The following C3 variants were observed in gnomAD, a reference collection of about 807,000 sequenced individuals.
C3 encodes the protein complement C3, also known as C3 and PZP-like alpha-2-macroglobulin domain-containing protein 1.
Under a neutral mutation model 207.9 loss-of-function variants are expected in C3, and 97 were observed. The ratio of observed to expected loss-of-function variants is 0.47; its 90% CI spans 0.40 to 0.55. The LOEUF (loss-of-function observed/expected upper bound fraction) is 0.55, where lower values mean the gene tolerates loss of function less well. Ranked by LOEUF, C3 falls within the 20% of genes least tolerant of loss-of-function variation. The pLI, the probability that C3 is intolerant of heterozygous loss-of-function variation, is 0.00. For missense variants in C3, 1,684 were observed against 2,171.7 expected, an observed-to-expected ratio of 0.78 and a Z score of 4.46; for synonymous variants, 848 against 857.6, an observed-to-expected ratio of 0.99 and a Z score of 0.20.
chr19:6,707,254 C>T lies in C3; in HGVS notation c.2067G>A (p.Glu689=), dbSNP rs147477257. The T allele has an allele frequency of 1.4e-3, 2,309 of 1,611,634 alleles. 4 individuals carry two copies. Among genetic ancestry groups the T allele is most frequent in the Non-Finnish European group, 1.9e-3 (2,202 of 1,179,052 alleles). Residue 689 remains glutamate, a synonymous_variant, in exon 17 of 41, where the codon GAG becomes GAA. Transcript: ENST00000245907. ...TGCCGTCCTCGCAGCACTTGCGCAGCTCCTTGGGGTACTTGCCGACTGCGG... is the reference window on the plus strand; with the variant it reads ...TGCCGTCCTCGCAGCACTTGCGCAGTTCCTTGGGGTACTTGCCGACTGCGG... ...RMDKVGKYPK[E]LRKCCEDGMR...
chr19:6,696,508 C>T (rs777744748), intron 22 of C3, 43 bp from the exon 23 acceptor site: 48 of 1,593,544 alleles, frequency 3.0e-5, no homozygotes, highest in Middle Eastern at 3.3e-4. Flanking sequence ...AGCTCCCTCC[C>T]GCCCTATCCT....
chr19:6,686,579 T>C, intron 28 of C3, 167 bp downstream of exon 28: 1 of 830,186 alleles, frequency 1.2e-6, no homozygotes. Flanking sequence ...GCATCCCAGC[T>C]CAGCTCAGGG....
In C3 at chr19:6,704,524, G is replaced by A. The variant is rs190634047; in HGVS notation, c.2246-1945C>T. Among the ~76,000 whole-genome samples the A allele has an allele frequency of 1.4e-3, 218 of 152,154 alleles. 1 individual carries two copies. The highest frequency in any genetic ancestry group is 4.7e-3 in the African/African-American group (196 of 41,522). On this transcript the variant is annotated intron_variant, in intron 17 of 40. Coordinates refer to ENST00000245907, the MANE Select transcript of C3 (RefSeq NM_000064.4). Reference sequence around the variant, plus strand: ...CTGTAATCCCAATACTTTGGGAGGCGGAGGCGGGCAGATCCCCGAAGGTTG... The same window carrying A: ...CTGTAATCCCAATACTTTGGGAGGCAGAGGCGGGCAGATCCCCGAAGGTTG...
rs2145396648 is a variant in C3, at chr19:6,685,100, G to A, written c.3857C>T (p.Ala1286Val). Residue 1286 changes from alanine (A) to valine (V), a missense_variant, in exon 30 of 41, where the codon GCC (alanine) becomes GTC (valine). Transcript: ENST00000245907. ...AAGGTTCAGTTCCTGGTGGTCAGGG[G>A]CGTCCTTTTGGTATTGAGCCAAGGC... ...FQALAQYQKD[A>V]PDHQELNLDV... The A allele has an allele frequency of 1.2e-6, 2 of 1,614,036 alleles. No individual in the cohort carries two copies. Among genetic ancestry groups the A allele is most frequent in the Non-Finnish European group, 1.7e-6 (2 of 1,179,962 alleles).
chr19:6,718,406 C>T lies in C3; in HGVS notation c.274G>A (p.Ala92Thr). The T allele has an allele frequency of 6.2e-7, 1 of 1,614,222 alleles. No individual in the cohort carries two copies. The highest frequency in any genetic ancestry group is 8.5e-7 in the Non-Finnish European group (1 of 1,180,044). Residue 92 changes from alanine to threonine, a missense_variant, in exon 3 of 41, where the codon GCC becomes ACC. Around this residue, in one of 3 missense-constraint regions of C3, gnomAD observed 1,280 missense variants for 1,739.1 expected, o/e 0.74. Coordinates refer to ENST00000245907, the MANE Select transcript of C3 (RefSeq NM_000064.4). ...HMGNVTFTIP[A>T]NREFKSEKGR... ...TTTTCTGACTTGAACTCCCTGTTGGCTGGGATCTAGGCGTGGGCAGGGCAT... is the reference window on the plus strand; with the variant it reads ...TTTTCTGACTTGAACTCCCTGTTGGTTGGGATCTAGGCGTGGGCAGGGCAT...
chr19:6,687,943 G>A (rs1374634498), intron 27 of C3, among the ~76,000 whole-genome samples: 2 of 148,492 alleles, frequency 1.3e-5, no homozygotes, highest in Non-Finnish European at 3.0e-5. Context: ...TGCAAGCTCC[G>A]CCTCTCGGGT....
intron 9 of C3, 119 bp downstream of exon 9, chr19:6,713,070 G>T: frequency 7.9e-7 from 1 of 1,261,974 alleles, no homozygotes; most frequent in Non-Finnish European, 1.2e-6. Context: ...CCATCAGACT[G>T]AACCCCACTT....
At chr19:6,688,836 G>A (rs1333059307) in intron 27 of C3, among the ~76,000 whole-genome samples, 1 of 151,878 alleles carries the variant, frequency 6.6e-6, no homozygotes, top group Non-Finnish European at 1.5e-5. Context: ...AGTGGAAACA[G>A]CCATGTCTGC....
rs779325487 is a variant in C3, at chr19:6,711,211, AG to A, written c.1270-16del. The A allele has an allele frequency of 1.6e-5, 25 of 1,608,332 alleles. No homozygotes were observed. Among genetic ancestry groups the A allele is most frequent in the Non-Finnish European group, 1.8e-5 (21 of 1,178,556 alleles). On this transcript the variant is annotated splice_polypyrimidine_tract_variant and intron_variant, in intron 11 of 40. Coordinates refer to ENST00000245907, the MANE Select transcript of C3 (RefSeq NM_000064.4). The stretch of plus-strand genomic sequence containing the variant: ...TTCGTGCGCACCTGGGTGGGGAAAG[AG>A]GGATGCCTGCTGGTCGCCGCCCGAG...
At chr19:6,687,829 T>TTTGG (rs147486901) in intron 27 of C3, among the ~76,000 whole-genome samples, 1 of 151,040 alleles carries the variant, frequency 6.6e-6, no homozygotes. Context: ...ACTTTGTTTG[T>TTTGG]TTGGTTGGTT....
chr19:6,693,593 G>A, intron 24 of C3, 106 bp from the exon 25 acceptor site: 1 of 970,640 alleles, frequency 1.0e-6, no homozygotes, highest in Non-Finnish European at 1.6e-6. Flanking sequence ...GCTCAGGGTG[G>A]CGGAGGGGTT....
At chr19:6,687,720 A>G (rs1017641696) in intron 27 of C3, among the ~76,000 whole-genome samples, 1 of 152,202 alleles carries the variant, frequency 6.6e-6, no homozygotes, top group African/African-American at 2.4e-5. Context: ...AAGTAACCCC[A>G]AGAGTATAGA....
chr19:6,710,806 C>T lies in C3; in HGVS notation c.1519G>A (p.Val507Met). Residue 507 changes from valine (V) to methionine (M), a missense_variant, in exon 13 of 41, where the codon GTG becomes ATG. Val to Met is a conservative substitution (Grantham distance 21). Transcript: ENST00000245907. ...ACCAGGTCCTGGCCGGGCTCTCGCACCTGGCGTCCCGCCTTCAACAGCCTG... is the reference window on the plus strand; with the variant it reads ...ACCAGGTCCTGGCCGGGCTCTCGCATCTGGCGTCCCGCCTTCAACAGCCTG... ...KGRLLKAGRQ[V>M]REPGQDLVVL... is the part of the protein sequence containing the mutation. 6.2e-7 allele frequency: 1 copy of T among 1,613,980 alleles called. No homozygotes were observed. The highest frequency in any genetic ancestry group is 8.5e-7 in the Non-Finnish European group (1 of 1,180,026).
At chr19:6,694,809 G>T (rs1001729680) in intron 23 of C3, among the ~76,000 whole-genome samples, 175 bp from the exon 24 acceptor site, 11 of 152,150 alleles carry the variant, frequency 7.2e-5, no homozygotes, top group Non-Finnish European at 1.5e-5. Context: ...GGCTGTTCGG[G>T]GGTCTGCACT....
chr19:6,720,047 A>T (rs1968130323), intron 1 of C3, among the ~76,000 whole-genome samples: 1 of 151,966 alleles, frequency 6.6e-6, no homozygotes, highest in African/African-American at 2.4e-5. Flanking sequence ...TAAAGTCCAA[A>T]CCTCCGAGTC....
Position 6,686,869 on chromosome 19 carries a change from A to T in C3, c.3523T>A (p.Phe1175Ile). ...LPGSITKAGD[F>I]LEANYMNLQR... ...AGGTTCATGTAGTTGGCTTCAAGGAAGTCTCCTGCTTTAGTGATGCTGCCT... is the reference window on the plus strand; with the variant it reads ...AGGTTCATGTAGTTGGCTTCAAGGATGTCTCCTGCTTTAGTGATGCTGCCT... Residue 1175 changes from phenylalanine to isoleucine, a missense_variant, in exon 28 of 41, where the codon TTC (phenylalanine) becomes ATC (isoleucine). By Grantham distance (21) the Phe-to-Ile change is conservative. Transcript: ENST00000245907. 6.2e-7 allele frequency: 1 copy of T among 1,614,220 alleles called. No individual in the cohort carries two copies. The highest frequency in any genetic ancestry group is 8.5e-7 in the Non-Finnish European group (1 of 1,180,030).
chr19:6,690,221 G>C (rs562093325), intron 27 of C3, among the ~76,000 whole-genome samples: 8 of 152,284 alleles, frequency 5.3e-5, no homozygotes, highest in Non-Finnish European at 8.8e-5. Flanking sequence ...TTTTCTTTAA[G>C]GAAGTAGCAA....
At chr19:6,683,339 C>A (rs971474732) in intron 33 of C3, 1 of 150,984 alleles carries the variant, frequency 6.6e-6, no homozygotes, top group African/African-American at 2.4e-5. Flanking sequence ...AAAAAAACAA[C>A]AAATACACCT....
intron 18 of C3, 74 bp from the exon 19 acceptor site, chr19:6,702,286 G>A: frequency 9.7e-7 from 1 of 1,031,770 alleles, no homozygotes; most frequent in South Asian, 1.3e-5. Flanking sequence ...CTGGTGCAGA[G>A]GGACCCCAAG....
Sources: allele counts gnomAD v4.1 joint callset (sites outside exome capture counted in the v4.1 genomes callset), GRCh38; gene constraint gnomAD v4.1.1; regional missense constraint gnomAD v4.1.1; transcripts MANE v1.5; gene names NCBI Gene and HGNC (gene_info 2026-07-23, HGNC 2026-07-21).